Variants in PRELID2 observed in about 807,000 individuals in gnomAD.
PRELID2 encodes the protein PRELI domain containing 2, also known as PRELI domain-containing protein 2.
PRELID2 carries 25 observed loss-of-function variants against 28.4 expected under a neutral mutation model. The observed-to-expected ratio is 0.88, with a 90% CI of 0.64 to 1.23. The LOEUF is 1.23. PRELID2 is among the 50% of genes most tolerant of loss of function. The probability of loss-of-function intolerance (pLI) is 0.00; values close to 1 mark genes in which losing one functional copy is unlikely to be tolerated. For missense variants in PRELID2, 201 were observed against 214.4 expected (o/e 0.94, Z 0.39); for synonymous variants, 76 against 71.6 (o/e 1.06, Z -0.31).
intron 1 of PRELID2, among the ~76,000 whole-genome samples, chr5:145,601,157 AAAGT>A (rs545722847): frequency 1.3e-5 from 2 of 152,212 alleles, no homozygotes; most frequent in Admixed American, 6.5e-5. Context: ...CTGTCTCAAA[AAAGT>A]AAGTAAATAA....
chr5:145,229,133 G>A, the PRELID2 span: 1 of 1,217,398 alleles, frequency 8.2e-7, no homozygotes, highest in Non-Finnish European at 1.2e-6. Context: ...AAACCGTCCA[G>A]CGGGTGGGGG....
At chr5:145,744,541 G>A (rs372832083) in intron 1 of PRELID2, among the ~76,000 whole-genome samples, 3 of 152,228 alleles carry the variant, frequency 2.0e-5, no homozygotes, top group Admixed American at 6.5e-5. Flanking sequence ...GAGTGACATC[G>A]CCAGGCGCGG....
At chr5:145,512,347 G>A (rs896984513) in intron 1 of PRELID2, among the ~76,000 whole-genome samples, 7 of 152,072 alleles carry the variant, frequency 4.6e-5, no homozygotes, top group Non-Finnish European at 8.8e-5. Context: ...GGAAGTGCGC[G>A]GTTTTCCCCT....
At chr5:145,415,981 T>C in the PRELID2 span, among the ~76,000 whole-genome samples, 2 of 152,078 alleles carry the variant, frequency 1.3e-5, no homozygotes, top group Admixed American at 6.6e-5. Context: ...TTCTAACTGG[T>C]GTGAGATGGT....
the PRELID2 span, among the ~76,000 whole-genome samples, chr5:145,277,205 CT>C: frequency 6.6e-6 from 1 of 152,072 alleles, no homozygotes; most frequent in Non-Finnish European, 1.5e-5. Flanking sequence ...GGGATTAGCA[CT>C]TACTAAATGT....
intron 1 of PRELID2, among the ~76,000 whole-genome samples, chr5:145,590,821 A>G (rs750281815): frequency 6.6e-6 from 1 of 152,108 alleles, no homozygotes; most frequent in Non-Finnish European, 1.5e-5. Flanking sequence ...GAGTTTGCCT[A>G]TGCCCCCCAC....
rs187641086 is a variant in PRELID2, at chr5:145,629,648, C to G, written n.70+135283G>C. Among the ~76,000 whole-genome samples, 87 of 152,220 alleles carry G rather than the reference C, an allele frequency of 5.7e-4. 1 individual carries two copies. The highest frequency in any genetic ancestry group is 6.8e-3 in the Middle Eastern group (2 of 294). The stretch of plus-strand genomic sequence containing the variant: ...TTAGAGGAATTATCTAAACTTGATC[C>G]TCATAAAAACTCTATGGGAAAAAAT... On this transcript the variant is annotated intron_variant and non_coding_transcript_variant, in intron 1 of 2. Coordinates refer to the PRELID2 transcript ENST00000510259.
intron 1 of PRELID2, among the ~76,000 whole-genome samples, chr5:145,546,982 G>A (rs1752793335): frequency 6.6e-6 from 1 of 152,118 alleles, no homozygotes; most frequent in African/African-American, 2.4e-5. Flanking sequence ...CTACCTCAGA[G>A]GCTTTACATG....
intron 4 of PRELID2, among the ~76,000 whole-genome samples, chr5:145,814,726 A>G (rs1754181720): frequency 1.3e-5 from 2 of 152,208 alleles, no homozygotes; most frequent in Admixed American, 1.3e-4. Context: ...AAAAACAGAT[A>G]ATTATCCAGT....
At chr5:145,777,372 T>C (rs1369285628) in intron 5 of PRELID2, among the ~76,000 whole-genome samples, 1 of 152,040 alleles carries the variant, frequency 6.6e-6, no homozygotes, top group African/African-American at 2.4e-5. Flanking sequence ...GCACCTAGCA[T>C]GAGAGGAAAT....
intron 4 of PRELID2, among the ~76,000 whole-genome samples, chr5:145,810,680 C>A (rs1052109416): frequency 6.6e-6 from 1 of 152,102 alleles, no homozygotes; most frequent in Admixed American, 6.6e-5. Flanking sequence ...ATGAAAATAA[C>A]AACTGTAAAA....
At chr5:145,500,995 G>A (rs1460211528) in intron 1 of PRELID2, among the ~76,000 whole-genome samples, 1 of 152,144 alleles carries the variant, frequency 6.6e-6, no homozygotes, top group African/African-American at 2.4e-5. Flanking sequence ...CCTCCTGGAA[G>A]CTGCAGTGCA....
At chr5:145,561,524 A>C (rs1752925321) in intron 1 of PRELID2, among the ~76,000 whole-genome samples, 1 of 152,342 alleles carries the variant, frequency 6.6e-6, no homozygotes, top group African/African-American at 2.4e-5. Context: ...TGACTTCAAA[A>C]TTAACAGTAC....
chr5:145,371,602 G>C, the PRELID2 span, among the ~76,000 whole-genome samples: 1 of 152,020 alleles, frequency 6.6e-6, no homozygotes, highest in Non-Finnish European at 1.5e-5. Flanking sequence ...CCCGGTTTTG[G>C]TATCAGGATG....
chr5:145,468,617 G>A (rs1752024603), downstream of PRELID2, among the ~76,000 whole-genome samples: 1 of 152,114 alleles, frequency 6.6e-6, no homozygotes, highest in African/African-American at 2.4e-5. Flanking sequence ...ATTCTAACTG[G>A]TGTGAGATGG....
downstream of PRELID2, among the ~76,000 whole-genome samples, chr5:145,755,919 C>T (rs1165479762): frequency 1.3e-5 from 2 of 152,172 alleles, no homozygotes; most frequent in African/African-American, 2.4e-5. Context: ...CCCACCCAAA[C>T]ACATTCAAGT....
chr5:145,278,976 A>G, the PRELID2 span, among the ~76,000 whole-genome samples: 1 of 152,162 alleles, frequency 6.6e-6, no homozygotes, highest in Non-Finnish European at 1.5e-5. Context: ...GAACAAAAAC[A>G]CTGCAGCAGT....
chr5:145,280,771 AC>A, the PRELID2 span, among the ~76,000 whole-genome samples: 327 of 151,122 alleles, frequency 2.2e-3, 2 homozygotes, highest in African/African-American at 7.6e-3. Flanking sequence ...TTCTTGTGGA[AC>A]CTTTTAGTAA....
At chr5:145,753,220 T>C (rs1264830107), downstream of PRELID2, among the ~76,000 whole-genome samples, 1 of 152,092 alleles carries the variant, frequency 6.6e-6, no homozygotes, top group Non-Finnish European at 1.5e-5. Context: ...AACAGGATAG[T>C]GGCTGCTATT....
Sources: gnomAD v4.1 joint callset for allele counts (sites outside exome capture counted in the v4.1 genomes callset) on GRCh38, gnomAD v4.1.1 for gene constraint, MANE v1.5 for transcripts, NCBI Gene and HGNC (gene_info 2026-07-23, HGNC 2026-07-21) for gene names.